Variants in SLC25A26 observed in about 807,000 individuals in gnomAD.
SLC25A26 encodes the protein mitochondrial S-adenosylmethionine carrier protein.
SLC25A26 carries 36 observed loss-of-function variants against 37.8 expected under a neutral mutation model. The observed-to-expected ratio is 0.95, with a 90% CI of 0.73 to 1.26. The LOEUF is 1.26. Among genes scored for constraint, SLC25A26 ranks in the 50% most tolerant of loss-of-function variants. The probability of loss-of-function intolerance (pLI) is 0.00; values close to 1 mark genes in which losing one functional copy is unlikely to be tolerated. For missense variants in SLC25A26, 390 were observed against 331.1 expected (o/e 1.18, Z -1.38); for synonymous variants, 129 against 122.5 (o/e 1.05, Z -0.35).
intron 1 of SLC25A26, among the ~76,000 whole-genome samples, chr3:66,142,735 A>G (rs2070054209): frequency 6.6e-6 from 1 of 152,100 alleles, no homozygotes; most frequent in Non-Finnish European, 1.5e-5. Flanking sequence ...CATATCACAT[A>G]AAATTTGTAT....
chr3:66,323,917 G>C (rs554601725), intron 5 of SLC25A26: 2 of 152,360 alleles, frequency 1.3e-5, no homozygotes, highest in African/African-American at 2.4e-5. Context: ...AGGAGGATCT[G>C]TTGAGCCCAG....
intron 5 of SLC25A26, among the ~76,000 whole-genome samples, chr3:66,344,035 A>G (rs1405387816): frequency 6.6e-6 from 1 of 152,208 alleles, no homozygotes; most frequent in Non-Finnish European, 1.5e-5. Flanking sequence ...AGCTTGTCAA[A>G]TTAGTCCAGG....
At chr3:66,220,856 G>T, upstream of SLC25A26, 1 of 571,050 alleles carries the variant, frequency 1.8e-6, no homozygotes, top group Non-Finnish European at 3.1e-6. Context: ...GCAGGAAACC[G>T]AGGTAAGGGA....
At chr3:66,221,510 C>T in intron 1 of SLC25A26, among the ~76,000 whole-genome samples, 1 of 152,096 alleles carries the variant, frequency 6.6e-6, no homozygotes, top group East Asian at 1.9e-4. Flanking sequence ...CACATCGCTC[C>T]CAGCCCTTCT....
intron 1 of SLC25A26, among the ~76,000 whole-genome samples, chr3:66,213,061 A>T (rs2071306935): frequency 6.6e-6 from 1 of 151,742 alleles, no homozygotes; most frequent in Admixed American, 6.6e-5. Context: ...TAAAAGGAGG[A>T]TAAAACGTGA....
intron 5 of SLC25A26, among the ~76,000 whole-genome samples, chr3:66,328,474 A>G (rs1435142645): frequency 2.0e-5 from 3 of 152,150 alleles, no homozygotes; most frequent in African/African-American, 7.2e-5. Flanking sequence ...ATCAGCTCAC[A>G]TATTTTTAAA....
chr3:66,271,857 TG>T (rs921405753), intron 5 of SLC25A26, among the ~76,000 whole-genome samples: 30 of 152,212 alleles, frequency 2.0e-4, no homozygotes, highest in African/African-American at 6.5e-4. Flanking sequence ...CCTCTGTAAA[TG>T]GAAATGTCTG....
chr3:66,173,243 G>A (rs1290603506), intron 1 of SLC25A26, among the ~76,000 whole-genome samples: 1 of 152,122 alleles, frequency 6.6e-6, no homozygotes, highest in Non-Finnish European at 1.5e-5. Context: ...CCTGTCTGGG[G>A]ATTGGAAGAT....
chr3:66,183,684 T>C (rs909654232), intron 1 of SLC25A26, among the ~76,000 whole-genome samples: 21 of 152,032 alleles, frequency 1.4e-4, no homozygotes, highest in African/African-American at 5.1e-4. Context: ...TTGATCTAGA[T>C]ACTCACATGA....
intron 5 of SLC25A26, among the ~76,000 whole-genome samples, chr3:66,333,383 C>T (rs562818040): frequency 6.6e-6 from 1 of 152,262 alleles, no homozygotes; most frequent in East Asian, 1.9e-4. Flanking sequence ...TTCCAGACCA[C>T]AAATTTGGAT....
In SLC25A26 at chr3:66,350,189, T is replaced by C. The variant is rs967753671; in HGVS notation, c.498+3781T>C. Among the ~76,000 whole-genome samples, 12 of 152,344 alleles carry C rather than the reference T, an allele frequency of 7.9e-5. No individual in the cohort carries two copies. The South Asian group carries it at 1.0e-3, about 13-fold the overall frequency. Reference sequence around the variant, plus strand: ...GGAATACCATTCAGGAAAATTTTTCTTAGCCAAGACTAGCAGATTGCATCA... The same window carrying C: ...GGAATACCATTCAGGAAAATTTTTCCTAGCCAAGACTAGCAGATTGCATCA... On this transcript the variant is annotated intron_variant, in intron 6 of 9. Coordinates refer to ENST00000354883, the MANE Select transcript of SLC25A26 (RefSeq NM_001379210.1).
At chr3:66,347,331 C>T (rs1215517314) in intron 6 of SLC25A26, among the ~76,000 whole-genome samples, 2 of 152,186 alleles carry the variant, frequency 1.3e-5, no homozygotes, top group African/African-American at 4.8e-5. Context: ...ACAGACACTT[C>T]TCAAGAGAAG....
intron 5 of SLC25A26, among the ~76,000 whole-genome samples, chr3:66,290,431 A>G (rs562770950): frequency 1.8e-4 from 28 of 152,298 alleles, no homozygotes; most frequent in Admixed American, 5.9e-4. Context: ...TGGTCATTCA[A>G]TATGATACAG....
chr3:66,236,430 G>A (rs2072288575), intron 1 of SLC25A26, 114 bp from the exon 2 acceptor site: 2 of 738,036 alleles, frequency 2.7e-6, no homozygotes, highest in East Asian at 5.8e-5. Context: ...TGGACTGAAA[G>A]GAATGAGAAA....
chr3:66,142,308 C>T (rs2070047692), intron 1 of SLC25A26, among the ~76,000 whole-genome samples: 1 of 152,220 alleles, frequency 6.6e-6, no homozygotes, highest in South Asian at 2.1e-4. Context: ...TCGCATGTAT[C>T]AGTATCAGTA....
intron 5 of SLC25A26, among the ~76,000 whole-genome samples, chr3:66,291,007 A>G (rs1271585690): frequency 6.6e-6 from 1 of 152,148 alleles, no homozygotes; most frequent in East Asian, 1.9e-4. Context: ...TTATTGGTCT[A>G]TTCAGAGATT....
At chr3:66,207,836 T>A (rs1048073042) in intron 1 of SLC25A26, among the ~76,000 whole-genome samples, 1 of 152,150 alleles carries the variant, frequency 6.6e-6, no homozygotes, top group Non-Finnish European at 1.5e-5. Flanking sequence ...AATTAAGAAA[T>A]AGAAGTGGAA....
chr3:66,243,055 G>A (rs918800671), intron 2 of SLC25A26, 148 bp from the exon 3 acceptor site: 2 of 527,964 alleles, frequency 3.8e-6, no homozygotes, highest in East Asian at 3.0e-5. Context: ...CTGAAAGAGT[G>A]GGGGTAGGAA....
intron 5 of SLC25A26, among the ~76,000 whole-genome samples, chr3:66,325,607 A>G (rs1376511381): frequency 6.6e-6 from 1 of 152,192 alleles, no homozygotes; most frequent in Non-Finnish European, 1.5e-5. Flanking sequence ...GTTCTGATTT[A>G]TGAATAGTAA....
Sources: allele counts gnomAD v4.1 joint callset (sites outside exome capture counted in the v4.1 genomes callset), GRCh38; gene constraint gnomAD v4.1.1; transcripts MANE v1.5; gene names NCBI Gene and HGNC (gene_info 2026-07-23, HGNC 2026-07-21).